TPO: variants seen among roughly 807,000 people sequenced by gnomAD.
The protein encoded by TPO is thyroid microsomal antigen.
In TPO, 78 loss-of-function variants were observed where a neutral mutation model predicts 96.9. The ratio of observed to expected loss-of-function variants is 0.81; its 90% CI spans 0.67 to 0.97. The LOEUF (loss-of-function observed/expected upper bound fraction) is 0.97. TPO is among the 50% of genes least tolerant of loss of function. The pLI is 0.00. For missense variants in TPO, 1,252 were observed against 1,274.8 expected (o/e 0.98, Z 0.27); for synonymous variants, 547 against 538.0 (o/e 1.02, Z -0.23).
chr2:1,478,550 G>C (rs999959864), intron 8 of TPO, among the ~76,000 whole-genome samples: 1 of 152,242 alleles, frequency 6.6e-6, no homozygotes. Context: ...AGGCCCCAAA[G>C]GTCAGAGCAG....
intron 7 of TPO, among the ~76,000 whole-genome samples, chr2:1,471,231 G>A (rs537166088): frequency 2.0e-5 from 3 of 152,258 alleles, no homozygotes; most frequent in African/African-American, 7.2e-5. Context: ...CCTCTGGGGT[G>A]GCAGATCTTT....
chr2:1,489,220 CGCCTGCACATGCCCAGCACAT>C (rs1371474570), intron 10 of TPO, among the ~76,000 whole-genome samples: 6 of 149,228 alleles, frequency 4.0e-5, no homozygotes, highest in Non-Finnish European at 7.4e-5. Context: ...GCCCAGCACA[CGCCTGCACATGCCCAGCACAT>C]GCCTAGCACA....
intron 7 of TPO, among the ~76,000 whole-genome samples, chr2:1,471,264 G>A (rs1669379109): frequency 6.6e-6 from 1 of 152,166 alleles, no homozygotes; most frequent in African/African-American, 2.4e-5. Flanking sequence ...AGTTCTGGGT[G>A]CAGTTAGTCT....
intron 1 of TPO, among the ~76,000 whole-genome samples, chr2:1,387,979 A>G (rs1332963446): frequency 6.6e-6 from 1 of 152,226 alleles, no homozygotes; most frequent in African/African-American, 2.4e-5. Flanking sequence ...GGTCCCCTCC[A>G]GACCCTGTTT....
At chr2:1,474,218 T>C (rs1189860111) in intron 7 of TPO, among the ~76,000 whole-genome samples, 1 of 152,270 alleles carries the variant, frequency 6.6e-6, no homozygotes, top group Non-Finnish European at 1.5e-5. Flanking sequence ...AATTGTGTTA[T>C]TGCATTTTAA....
intron 16 of TPO, chr2:1,541,110 T>C: frequency 8.4e-7 from 1 of 1,194,606 alleles, no homozygotes; most frequent in Non-Finnish European, 1.1e-6. Flanking sequence ...AAAATGTGTA[T>C]GTTTATGTTT....
At chr2:1,397,717 C>T (rs1662104230) in intron 1 of TPO, among the ~76,000 whole-genome samples, 1 of 152,186 alleles carries the variant, frequency 6.6e-6, no homozygotes, top group African/African-American at 2.4e-5. Flanking sequence ...CCCCCGGGTC[C>T]TGATGCAGGG....
intron 15 of TPO, among the ~76,000 whole-genome samples, chr2:1,537,149 A>C (rs1573657482): frequency 3.8e-4 from 16 of 42,378 alleles, no homozygotes; most frequent in South Asian, 7.7e-4. Flanking sequence ...AAATACCCCC[A>C]CTCTGTGCAA....
chr2:1,397,970 T>G (rs926659889), intron 1 of TPO, among the ~76,000 whole-genome samples: 1 of 152,152 alleles, frequency 6.6e-6, no homozygotes, highest in African/African-American at 2.4e-5. Context: ...CAGAAAAAAG[T>G]ACTTCCCATG....
At chr2:1,468,145 C>T (rs1669076140) in intron 7 of TPO, among the ~76,000 whole-genome samples, 1 of 151,848 alleles carries the variant, frequency 6.6e-6, no homozygotes, top group African/African-American at 2.4e-5. Flanking sequence ...TTCTGCAATT[C>T]TGTATCTTTT....
At chr2:1,377,597 T>C (rs1023653033) in intron 1 of TPO, among the ~76,000 whole-genome samples, 2 of 152,210 alleles carry the variant, frequency 1.3e-5, no homozygotes, top group Non-Finnish European at 2.9e-5. Flanking sequence ...GCTGTGAGTC[T>C]GCCCTGCCTG....
Position 1,496,614 on chromosome 2 carries a change from A to G in TPO, c.2235A>G (p.Pro745=). 6.2e-7 allele frequency: 1 copy of G among 1,613,758 alleles called. No individual in the cohort carries two copies. The change falls in exon 13 of 17, where the codon CCA becomes CCG. Residue 745 remains proline (P), a synonymous_variant. Transcript: ENST00000329066. ...TFPQDDKCGF[P]ESVENGDFVH... ...TCATAGACGACAAGTGTGGCTTCCC[A>G]GAGAGCGTGGAGAATGGGGACTTTG...
chr2:1,429,807 A>G (rs1664799575), intron 3 of TPO, among the ~76,000 whole-genome samples: 1 of 152,246 alleles, frequency 6.6e-6, no homozygotes, highest in Non-Finnish European at 1.5e-5. Context: ...ATTTCTATGC[A>G]GCAAAGAATT....
At chr2:1,515,624 T>C (rs1294089475) in intron 14 of TPO, among the ~76,000 whole-genome samples, 1 of 151,988 alleles carries the variant, frequency 6.6e-6, no homozygotes, top group Non-Finnish European at 1.5e-5. Flanking sequence ...AGACCCATGA[T>C]AGGAAGACAG....
rs776814431 is a variant in TPO at position 1,456,194 on chromosome 2, C to T, written c.731C>T (p.Thr244Ile). The stretch of plus-strand genomic sequence containing the variant: ...TACATCGACCACGACATCGCGTTCA[C>T]ACCACAGAGCACCAGCAAAGCTGCC... ...GQYIDHDIAFTPQSTSKAAFG... is the reference protein window; with the variant it reads ...GQYIDHDIAFIPQSTSKAAFG... Residue 244 changes from threonine to isoleucine, a missense_variant, in exon 7 of 17, where the codon ACA (threonine) becomes ATA (isoleucine). Physicochemically the swap from Thr to Ile is moderately conservative, Grantham distance 89 (BLOSUM62 -1). Transcript: ENST00000329066. 1 of 1,614,142 alleles carries T rather than the reference C, an allele frequency of 6.2e-7. No homozygotes were observed. Among genetic ancestry groups the T allele is most frequent in the East Asian group, 2.2e-5 (1 of 44,888 alleles).
At chr2:1,378,837 G>A (rs1240127494) in intron 1 of TPO, among the ~76,000 whole-genome samples, 1 of 152,168 alleles carries the variant, frequency 6.6e-6, no homozygotes, top group Non-Finnish European at 1.5e-5. Flanking sequence ...AACCCATTTG[G>A]CAGAGGGCTC....
At chr2:1,538,148 C>G (rs570409395) in intron 15 of TPO, among the ~76,000 whole-genome samples, 131 of 140,738 alleles carry the variant, frequency 9.3e-4, no homozygotes, top group African/African-American at 3.4e-3. Flanking sequence ...CTCAAATACC[C>G]CATACTGTGT....
chr2:1,422,289 AAGACCCCGCAGGCGCCTCTCCTGGAC>A (rs1254569839), intron 2 of TPO, among the ~76,000 whole-genome samples: 1 of 31,322 alleles, frequency 3.2e-5, no homozygotes, highest in East Asian at 6.0e-4. Context: ...TGAAGCCTTG[AAGACCCCGCAGGCGCCTCTCCTGGAC>A]AGACCTCGTG....
intron 13 of TPO, among the ~76,000 whole-genome samples, chr2:1,500,665 A>T (rs1672785250): frequency 6.6e-6 from 1 of 152,124 alleles, no homozygotes; most frequent in Non-Finnish European, 1.5e-5. Flanking sequence ...AAACTCATTC[A>T]CATAAAAACT....
Sources: allele counts gnomAD v4.1 joint callset (sites outside exome capture counted in the v4.1 genomes callset), GRCh38; gene constraint gnomAD v4.1.1; transcripts MANE v1.5; gene names NCBI Gene and HGNC (gene_info 2026-07-23, HGNC 2026-07-21).